The following PNPLA1 variants were observed in gnomAD, a reference collection of about 807,000 sequenced individuals.
The protein encoded by PNPLA1 is omega-hydroxyceramide transacylase.
In PNPLA1, 36 loss-of-function variants were observed where a neutral mutation model predicts 51.7. The observed-to-expected ratio is 0.70, with a 90% CI of 0.53 to 0.92. The LOEUF (loss-of-function observed/expected upper bound fraction) is 0.92, where lower values mean the gene tolerates loss of function less well. Ranked by LOEUF, PNPLA1 falls within the 40% of genes least tolerant of loss-of-function variation. The pLI is 0.00. For synonymous variants in PNPLA1, 293 were observed against 280.1 expected (o/e 1.05, Z -0.46); for missense variants, 658 against 682.5 (o/e 0.96, Z 0.40).
At chr6:36,273,868 C>A (rs1407412097) in intron 1 of PNPLA1, among the ~76,000 whole-genome samples, 1 of 151,138 alleles carries the variant, frequency 6.6e-6, no homozygotes, top group South Asian at 2.1e-4. Flanking sequence ...GTGGTAGGAA[C>A]TAAAACCTGT....
chr6:36,251,699 A>G (rs1339437105), intron 1 of PNPLA1, among the ~76,000 whole-genome samples: 1 of 152,150 alleles, frequency 6.6e-6, no homozygotes, highest in Non-Finnish European at 1.5e-5. Flanking sequence ...GCATCTTGGG[A>G]GGCAGAGGTG....
intron 1 of PNPLA1, among the ~76,000 whole-genome samples, chr6:36,261,130 C>T (rs138363999): frequency 9.8e-5 from 15 of 152,314 alleles, no homozygotes; most frequent in Non-Finnish European, 1.9e-4. Flanking sequence ...AGCTTGGCCA[C>T]GACCATTTTC....
chr6:36,267,961 C>T (rs1388953768), upstream of PNPLA1, among the ~76,000 whole-genome samples: 1 of 152,178 alleles, frequency 6.6e-6, no homozygotes, highest in African/African-American at 2.4e-5. Context: ...CTCACCCTGC[C>T]CATCCAACCA....
At chr6:36,249,488 C>T (rs1429480457) in intron 1 of PNPLA1, among the ~76,000 whole-genome samples, 1 of 152,210 alleles carries the variant, frequency 6.6e-6, no homozygotes, top group Non-Finnish European at 1.5e-5. Flanking sequence ...TGTGGAGTTT[C>T]TAAACAGAGG....
At chr6:36,260,985 G>A (rs1394373397) in intron 1 of PNPLA1, among the ~76,000 whole-genome samples, 2 of 151,970 alleles carry the variant, frequency 1.3e-5, no homozygotes, top group African/African-American at 2.4e-5. Flanking sequence ...CACCACACCC[G>A]GCTAATATTT....
intron 1 of PNPLA1, among the ~76,000 whole-genome samples, chr6:36,286,360 G>T (rs1582070098): frequency 1.3e-5 from 2 of 152,170 alleles, no homozygotes. Flanking sequence ...GCTCATGCCT[G>T]TAATCCCCAC....
At chr6:36,291,297 C>T (rs1465948884) in intron 1 of PNPLA1, 23 bp from the exon 2 acceptor site, 1 of 1,605,412 alleles carries the variant, frequency 6.2e-7, no homozygotes, top group African/African-American at 1.3e-5. Context: ...CCGACCACCC[C>T]CTCTTCTCTG....
At chr6:36,272,761 C>T (rs778098039) in intron 1 of PNPLA1, among the ~76,000 whole-genome samples, 8 of 152,106 alleles carry the variant, frequency 5.3e-5, no homozygotes, top group Non-Finnish European at 2.9e-5. Flanking sequence ...TAGCCCCCTC[C>T]CAGCCCAAGC....
chr6:36,292,658 G>A (rs1197107770), intron 2 of PNPLA1, among the ~76,000 whole-genome samples: 6 of 152,174 alleles, frequency 3.9e-5, no homozygotes, highest in East Asian at 1.9e-4. Flanking sequence ...CCACTGCACC[G>A]TCACCCACTT....
At chr6:36,284,170 T>A (rs1241278244) in intron 1 of PNPLA1, among the ~76,000 whole-genome samples, 1 of 151,930 alleles carries the variant, frequency 6.6e-6, no homozygotes, top group African/African-American at 2.4e-5. Flanking sequence ...AAGCAAAGAG[T>A]CCTGTGGACA....
At chr6:36,263,905 G>A (rs773009296) in intron 1 of PNPLA1, among the ~76,000 whole-genome samples, 11 of 152,124 alleles carry the variant, frequency 7.2e-5, no homozygotes, top group East Asian at 1.9e-4. Flanking sequence ...CCCAGAGCCC[G>A]CCACCTTGAT....
chr6:36,248,840 G>A (rs1049759598), intron 1 of PNPLA1, among the ~76,000 whole-genome samples: 5 of 152,050 alleles, frequency 3.3e-5, no homozygotes, highest in African/African-American at 4.8e-5. Context: ...TTAAGCAAAC[G>A]TCCCCCCACC....
intron 1 of PNPLA1, among the ~76,000 whole-genome samples, chr6:36,249,433 G>T (rs1769374974): frequency 6.6e-6 from 1 of 152,218 alleles, no homozygotes; most frequent in Non-Finnish European, 1.5e-5. Context: ...TTGTCCACAG[G>T]ATTCCAAATT....
At chr6:36,269,485 G>A (rs566493731), upstream of PNPLA1, among the ~76,000 whole-genome samples, 29 of 152,174 alleles carry the variant, frequency 1.9e-4, no homozygotes, top group Middle Eastern at 6.8e-3. Flanking sequence ...CTCCTCCTTG[G>A]GGTTAAACAT....
intron 1 of PNPLA1, among the ~76,000 whole-genome samples, chr6:36,278,106 T>C (rs1324672410): frequency 6.6e-6 from 1 of 152,182 alleles, no homozygotes; most frequent in Non-Finnish European, 1.5e-5. Flanking sequence ...ACTCCATCTC[T>C]CTTTTCCATG....
chr6:36,268,310 C>A (rs1407899767), upstream of PNPLA1, among the ~76,000 whole-genome samples: 1 of 152,198 alleles, frequency 6.6e-6, no homozygotes, highest in South Asian at 2.1e-4. Context: ...TTACCTTTAG[C>A]CTTTACAGCT....
At chr6:36,287,755 AACACACACACACACACACACAC>A (rs57750301) in intron 1 of PNPLA1, among the ~76,000 whole-genome samples, 2 of 148,448 alleles carry the variant, frequency 1.3e-5, no homozygotes, top group African/African-American at 5.0e-5. Context: ...GACAGACAGA[AACACACACACACACACACACAC>A]ACACACACAC....
At chr6:36,287,200 A>G (rs1294348802) in intron 1 of PNPLA1, among the ~76,000 whole-genome samples, 3 of 152,134 alleles carry the variant, frequency 2.0e-5, no homozygotes, top group Non-Finnish European at 4.4e-5. Context: ...TTGTTCACAC[A>G]CTGAGAGCCT....
intron 5 of PNPLA1, among the ~76,000 whole-genome samples, chr6:36,299,110 T>C (rs1217006504): frequency 6.6e-6 from 1 of 152,138 alleles, no homozygotes; most frequent in East Asian, 1.9e-4. Context: ...GACACTGGAG[T>C]TGCTTCCATC....
Sources: allele counts gnomAD v4.1 joint callset (sites outside exome capture counted in the v4.1 genomes callset), GRCh38; gene constraint gnomAD v4.1.1; transcripts MANE v1.5; gene names NCBI Gene and HGNC (gene_info 2026-07-23, HGNC 2026-07-21).